The following EBF3 variants were observed in gnomAD, a reference collection of about 807,000 sequenced individuals.
EBF3 encodes transcription factor COE3.
EBF3 carries 18 observed loss-of-function variants against 77.1 expected under a neutral mutation model. The observed-to-expected ratio is 0.23, with a 90% CI of 0.16 to 0.35. The LOEUF (loss-of-function observed/expected upper bound fraction) is 0.35, where lower values mean the gene tolerates loss of function less well. Ranked by LOEUF, EBF3 falls within the 10% of genes least tolerant of loss-of-function variation. EBF3 has a pLI of 1.00. For synonymous variants in EBF3, 350 were observed against 343.5 expected, an observed-to-expected ratio of 1.02 and a Z score of -0.21; for missense variants, 558 against 860.0, an observed-to-expected ratio of 0.65 and a Z score of 4.39.
At chr10:129,949,995 A>G (rs1440457341) in intron 6 of EBF3, among the ~76,000 whole-genome samples, 2 of 46,304 alleles carry the variant, frequency 4.3e-5, no homozygotes, top group African/African-American at 1.6e-4. Flanking sequence ...TATAGGCAGG[A>G]GGGTGGAGGG....
At chr10:129,939,355 TC>T (rs1439415133) in intron 6 of EBF3, among the ~76,000 whole-genome samples, 1 of 152,172 alleles carries the variant, frequency 6.6e-6, no homozygotes, top group Non-Finnish European at 1.5e-5. Flanking sequence ...AACAGCATGA[TC>T]ATGCCAGTCT....
intron 6 of EBF3, among the ~76,000 whole-genome samples, chr10:129,901,577 A>G (rs1589820965): frequency 6.6e-6 from 1 of 152,234 alleles, no homozygotes; most frequent in African/African-American, 2.4e-5. Flanking sequence ...CCGGTGATTT[A>G]TCCTCATTAT....
chr10:129,924,014 G>A (rs983291612), intron 6 of EBF3, among the ~76,000 whole-genome samples: 7 of 152,188 alleles, frequency 4.6e-5, no homozygotes, highest in South Asian at 2.1e-4. Context: ...ACAAATGGCC[G>A]ATGTATGTCT....
intron 6 of EBF3, among the ~76,000 whole-genome samples, chr10:129,912,246 G>A (rs1855575012): frequency 6.6e-6 from 1 of 152,184 alleles, no homozygotes; most frequent in Non-Finnish European, 1.5e-5. Flanking sequence ...ACCCTAGGAA[G>A]GGCCCTGCGG....
Position 129,867,948 on chromosome 10 carries a change from C to T in EBF3, c.782-36G>A, listed in dbSNP as rs768107330. 32 of 1,605,168 alleles carry T rather than the reference C, an allele frequency of 2.0e-5. No individual in the cohort carries two copies. The Admixed American group carries it at 4.0e-4, about 20-fold the overall frequency. On this transcript the variant is annotated intron_variant, in intron 8 of 16. Coordinates refer to ENST00000440978, the MANE Select transcript of EBF3 (RefSeq NM_001375380.1). The stretch of plus-strand genomic sequence containing the variant: ...AAGACAGAGAAGGCAGACCTTAGAG[C>T]CCCGTCCTCCTCCGACGCTGGGCCG...
At chr10:129,912,645 C>A (rs533933172) in intron 6 of EBF3, among the ~76,000 whole-genome samples, 1 of 152,194 alleles carries the variant, frequency 6.6e-6, no homozygotes, top group African/African-American at 2.4e-5. Flanking sequence ...CTGTTCCCAA[C>A]TGATTTCACA....
chr10:129,953,409 C>G (rs375992802), intron 6 of EBF3, among the ~76,000 whole-genome samples: 1 of 151,304 alleles, frequency 6.6e-6, no homozygotes, highest in African/African-American at 2.4e-5. Context: ...CTCTTCAACC[C>G]CCACCAAAAC....
chr10:129,896,592 C>T (rs577039424), intron 6 of EBF3, among the ~76,000 whole-genome samples: 25 of 152,202 alleles, frequency 1.6e-4, no homozygotes, highest in Non-Finnish European at 2.6e-4. Context: ...GTTTGCAGGA[C>T]GTGCTGGGGC....
At chr10:129,860,788 C>T (rs1851575009) in intron 10 of EBF3, among the ~76,000 whole-genome samples, 1 of 152,234 alleles carries the variant, frequency 6.6e-6, no homozygotes, top group Non-Finnish European at 1.5e-5. Flanking sequence ...TGACAGCTCC[C>T]TCTCACCAAT....
At chr10:129,872,155 G>C (rs1398410809) in intron 8 of EBF3, among the ~76,000 whole-genome samples, 11 of 152,178 alleles carry the variant, frequency 7.2e-5, no homozygotes. Flanking sequence ...GAGGCCCCTT[G>C]AACCTATTGC....
chr10:129,874,477 C>A (rs1260396427), intron 7 of EBF3, among the ~76,000 whole-genome samples: 3 of 152,190 alleles, frequency 2.0e-5, no homozygotes, highest in Non-Finnish European at 4.4e-5. Context: ...CCTGAATGGA[C>A]CCAGGAACCA....
intron 15 of EBF3, 138 bp downstream of exon 15, chr10:129,840,107 G>T: frequency 9.1e-7 from 1 of 1,093,552 alleles, no homozygotes; most frequent in Non-Finnish European, 1.3e-6. Context: ...GGCAGAGGTG[G>T]CACGCATCAA....
intron 6 of EBF3, among the ~76,000 whole-genome samples, chr10:129,890,627 G>A (rs143151032): frequency 4.6e-5 from 7 of 152,256 alleles, no homozygotes; most frequent in Admixed American, 2.0e-4. Context: ...TTTCTTTACC[G>A]CTGGGATGCT....
intron 10 of EBF3, among the ~76,000 whole-genome samples, chr10:129,860,201 A>G (rs1195430602): frequency 6.6e-6 from 1 of 151,850 alleles, no homozygotes; most frequent in African/African-American, 2.4e-5. Flanking sequence ...CGTCCTACTC[A>G]ATCAGAAACT....
intron 10 of EBF3, among the ~76,000 whole-genome samples, chr10:129,857,944 A>C (rs1851368204): frequency 6.6e-6 from 1 of 152,252 alleles, no homozygotes; most frequent in African/African-American, 2.4e-5. Flanking sequence ...CCGTGCTCAC[A>C]CTACGCTTGT....
At chr10:129,874,894 C>G (rs918847410) in intron 7 of EBF3, among the ~76,000 whole-genome samples, 1 of 152,156 alleles carries the variant, frequency 6.6e-6, no homozygotes, top group African/African-American at 2.4e-5. Flanking sequence ...TAAGGAATCC[C>G]CTGCACCAGC....
At chr10:129,865,544 T>G (rs1851947059) in intron 10 of EBF3, among the ~76,000 whole-genome samples, 1 of 152,130 alleles carries the variant, frequency 6.6e-6, no homozygotes, top group South Asian at 2.1e-4. Flanking sequence ...GCCCCTAGTG[T>G]GGGGCAGGCA....
intron 6 of EBF3, among the ~76,000 whole-genome samples, chr10:129,888,564 G>A (rs1362312233): frequency 2.6e-5 from 4 of 152,204 alleles, no homozygotes; most frequent in Non-Finnish European, 2.9e-5. Context: ...CCGGGGCCAC[G>A]ACATCGGCGC....
At chr10:129,924,439 AAAAAAACAAAAAAC>A (rs1247507504) in intron 6 of EBF3, among the ~76,000 whole-genome samples, 2 of 134,010 alleles carry the variant, frequency 1.5e-5, no homozygotes, top group Non-Finnish European at 3.2e-5. Context: ...ACAAAAAAAA[AAAAAAACAAAAAAC>A]AAAAAACAGA....
Sources: allele counts gnomAD v4.1 joint callset (sites outside exome capture counted in the v4.1 genomes callset), GRCh38; gene constraint gnomAD v4.1.1; transcripts MANE v1.5; gene names NCBI Gene and HGNC (gene_info 2026-07-23, HGNC 2026-07-21).